SEL1L: variants seen among roughly 807,000 people sequenced by gnomAD.
SEL1L encodes protein sel-1 homolog 1.
SEL1L carries 52 observed loss-of-function variants against 109.8 expected under a neutral mutation model. The observed-to-expected ratio is 0.47, with a 90% CI of 0.38 to 0.60. The LOEUF is 0.60. SEL1L is among the 20% of genes least tolerant of loss of function. The probability of loss-of-function intolerance (pLI) is 0.00; values close to 1 mark genes in which losing one functional copy is unlikely to be tolerated. For missense variants in SEL1L, 749 were observed against 962.2 expected (o/e 0.78, Z 2.93); for synonymous variants, 373 against 339.6 (o/e 1.10, Z -1.08).
chr14:81,483,240 C>A (rs1903415134), intron 19 of SEL1L, among the ~76,000 whole-genome samples: 1 of 152,082 alleles, frequency 6.6e-6, no homozygotes, highest in African/African-American at 2.4e-5. Context: ...CAATTTTTAA[C>A]AAATACTCCA....
At chr14:81,529,042 A>G (rs1256233724) in intron 1 of SEL1L, among the ~76,000 whole-genome samples, 1 of 152,184 alleles carries the variant, frequency 6.6e-6, no homozygotes, top group African/African-American at 2.4e-5. Flanking sequence ...TTTAAATTAC[A>G]GCTACTATTC....
intron 3 of SEL1L, among the ~76,000 whole-genome samples, chr14:81,507,027 A>T (rs1011769754): frequency 1.3e-5 from 2 of 152,188 alleles, no homozygotes; most frequent in Middle Eastern, 3.2e-3. Context: ...AGTAGCAGTG[A>T]ATGAAAGGCT....
At chr14:81,505,691 T>G (rs1426044948) in intron 4 of SEL1L, among the ~76,000 whole-genome samples, 1 of 152,210 alleles carries the variant, frequency 6.6e-6, no homozygotes, top group Non-Finnish European at 1.5e-5. Context: ...TATAGCATAT[T>G]TCACCTTAAG....
chr14:81,484,146 A>C, intron 19 of SEL1L, 79 bp downstream of exon 19: 1 of 1,425,866 alleles, frequency 7.0e-7, no homozygotes, highest in South Asian at 1.3e-5. Flanking sequence ...TGTCAAGGAA[A>C]GTCTATTTTC....
Position 81,533,829 on chromosome 14 carries a change from G to GCTGCTCTTC in SEL1L, c.-94_-86dup. On this transcript the variant is annotated 5_prime_UTR_variant, in exon 1 of 21. Coordinates refer to ENST00000336735, the MANE Select transcript of SEL1L (RefSeq NM_005065.6). ...ACTCAGCCACCACCGCCGCCTCGCC[G>GCTGCTCTTC]CTGCTCTTCCTGCTCTAGTCTCCTT... The GCTGCTCTTC allele has an allele frequency of 1.5e-6, 2 of 1,357,376 alleles. No homozygotes were observed. The highest frequency in any genetic ancestry group is 2.1e-6 in the Non-Finnish European group (2 of 968,064). The allele number at this position is 1,357,376 out of a possible 1,614,324, so 84.1% of individuals were successfully genotyped here. A position where few individuals can be genotyped will look rare whatever the true frequency, so the allele number is the denominator to read the frequency against.
At chr14:81,485,570 G>T in intron 18 of SEL1L, 102 bp downstream of exon 18, 1 of 1,027,382 alleles carries the variant, frequency 9.7e-7, no homozygotes, top group Non-Finnish European at 1.5e-6. Flanking sequence ...AGGGTTACAG[G>T]CGTGAGCCAC....
At chr14:81,533,588 C>T in intron 1 of SEL1L, 87 bp downstream of exon 1, 1 of 1,320,050 alleles carries the variant, frequency 7.6e-7, no homozygotes, top group Non-Finnish European at 1.1e-6. Context: ...AACGGGGTCC[C>T]GAGCCTGGAG....
chr14:81,533,586 C>T (rs1275546471), intron 1 of SEL1L, 89 bp downstream of exon 1: 4 of 1,283,868 alleles, frequency 3.1e-6, no homozygotes, highest in Admixed American at 2.0e-5. Flanking sequence ...AGAACGGGGT[C>T]CCGAGCCTGG....
chr14:81,525,856 C>G (rs1478290868), intron 3 of SEL1L, among the ~76,000 whole-genome samples: 2 of 151,894 alleles, frequency 1.3e-5, no homozygotes, highest in Non-Finnish European at 2.9e-5. Flanking sequence ...ACATTTTGAC[C>G]CAATTTACTT....
At chr14:81,504,358 T>C (rs768091713) in intron 4 of SEL1L, 52 bp from the exon 5 acceptor site, 1 of 1,297,216 alleles carries the variant, frequency 7.7e-7, no homozygotes, top group Non-Finnish European at 1.1e-6. Context: ...CTATCAATTA[T>C]CAACCATTAG....
chr14:81,497,254 T>C (rs1383176529), intron 10 of SEL1L, among the ~76,000 whole-genome samples: 1 of 152,212 alleles, frequency 6.6e-6, no homozygotes, highest in Non-Finnish European at 1.5e-5. Context: ...TTAATAAGTA[T>C]CTAATGCTCA....
intron 1 of SEL1L, among the ~76,000 whole-genome samples, chr14:81,531,327 T>G (rs1340393792): frequency 6.6e-6 from 1 of 152,214 alleles, no homozygotes; most frequent in African/African-American, 2.4e-5. Context: ...CTAACAGCTA[T>G]CAACAGCAAT....
chr14:81,499,422 T>C (rs777878302), intron 8 of SEL1L, 37 bp downstream of exon 8: 33 of 1,594,652 alleles, frequency 2.1e-5, no homozygotes, highest in Non-Finnish European at 2.8e-5. Context: ...ATTCTTCTGA[T>C]GTTAATATTA....
At chr14:81,499,731 C>A in intron 6 of SEL1L, 69 bp from the exon 7 acceptor site, 1 of 1,283,062 alleles carries the variant, frequency 7.8e-7, no homozygotes, top group Non-Finnish European at 1.1e-6. Context: ...CACAGACAGA[C>A]ACAGTTTTAT....
Position 81,533,789 on chromosome 14 carries a change from C to CCTCTGCCACCACGGA in SEL1L, c.-60_-46dup. On this transcript the variant is annotated 5_prime_UTR_variant, in exon 1 of 21. Coordinates refer to ENST00000336735, the MANE Select transcript of SEL1L (RefSeq NM_005065.6). The stretch of plus-strand genomic sequence containing the variant: ...CCAACCCCTAGAGCTGTCGCCTTCG[C>CCTCTGCCACCACGGA]CTCTGCCACCACGGACTCAGCCACC... 1 of 1,581,286 alleles carries CCTCTGCCACCACGGA rather than the reference C, an allele frequency of 6.3e-7. No homozygotes were observed. Among genetic ancestry groups the CCTCTGCCACCACGGA allele is most frequent in the Non-Finnish European group, 8.6e-7 (1 of 1,157,902 alleles).
In SEL1L at chr14:81,499,279, T is replaced by C. The variant is rs1018143083; in HGVS notation, c.891+180A>G. ...GAAAAATTGTGGACTCCACCAACTT[T>C]CATTTACATGTAGATTCCATGTGTT... On this transcript the variant is annotated intron_variant, in intron 8 of 20. Coordinates refer to ENST00000336735, the MANE Select transcript of SEL1L (RefSeq NM_005065.6). The C allele has an allele frequency of 4.3e-5, 54 of 1,266,152 alleles. No individual in the cohort carries two copies. In the African/African-American group the frequency reaches 7.7e-4, roughly 18 times the overall value. 78.4% of individuals were successfully genotyped at this position (1,266,152 alleles called of 1,614,324 possible). A position where few individuals can be genotyped will look rare whatever the true frequency, so the allele number is the denominator to read the frequency against.
intron 3 of SEL1L, among the ~76,000 whole-genome samples, chr14:81,507,892 T>C (rs1035524019): frequency 6.6e-6 from 1 of 152,206 alleles, no homozygotes; most frequent in Non-Finnish European, 1.5e-5. Context: ...GTCAGAACAT[T>C]TGATGCAAAT....
At chr14:81,502,996 T>A in intron 5 of SEL1L, 113 bp from the exon 6 acceptor site, 1 of 826,490 alleles carries the variant, frequency 1.2e-6, no homozygotes, top group East Asian at 2.8e-5. Context: ...CAAAACCCCT[T>A]TGATAATCTT....
rs1256096057 is a variant in SEL1L, at chr14:81,484,279, T to C, written c.1992A>G (p.Ala664=). The C allele has an allele frequency of 1.2e-6, 2 of 1,614,188 alleles. No homozygotes were observed. Among genetic ancestry groups the C allele is most frequent in the South Asian group, 2.2e-5 (2 of 91,082 alleles). Residue 664 remains alanine, a synonymous_variant, in exon 19 of 21, where the codon GCA becomes GCG. Transcript: ENST00000336735. ...YRLASEQQHS[A]QAMFNLGYMH... is the part of the protein sequence containing the mutation. The stretch of plus-strand genomic sequence containing the variant: ...TATATCCCAGATTAAACATAGCTTG[T>C]GCACTGTGTTGCTGCTCAGAAGCCA...
Sources: allele counts gnomAD v4.1 joint callset (sites outside exome capture counted in the v4.1 genomes callset), GRCh38; gene constraint gnomAD v4.1.1; transcripts MANE v1.5; gene names NCBI Gene and HGNC (gene_info 2026-07-23, HGNC 2026-07-21).